The following DDB2 variants were observed in gnomAD, a reference collection of about 807,000 sequenced individuals.
DDB2 encodes the protein damage specific DNA binding protein 2, also known as DNA damage-binding protein 2.
In DDB2, 27 loss-of-function variants were observed where a neutral mutation model predicts 50.5. That is an observed-to-expected ratio of 0.53 (90% confidence interval 0.39 to 0.74). DDB2 has a LOEUF of 0.74. Among genes scored for constraint, DDB2 ranks in the 30% least tolerant of loss-of-function variants. The probability of loss-of-function intolerance (pLI) is 0.00; values close to 1 mark genes in which losing one functional copy is unlikely to be tolerated. For synonymous variants in DDB2, 176 were observed against 205.5 expected (o/e 0.86, Z 1.23); for missense variants, 424 against 545.6 (o/e 0.78, Z 2.22).
intron 2 of DDB2, 123 bp from the exon 3 acceptor site, chr11:47,216,735 G>A (rs946825951): frequency 2.4e-5 from 26 of 1,084,104 alleles, no homozygotes; most frequent in Non-Finnish European, 3.3e-5. Flanking sequence ...CACAGGGCAG[G>A]CAGTTAGCTT....
At chr11:47,219,126 GT>G (rs1953444966) in intron 3 of DDB2, among the ~76,000 whole-genome samples, 2 of 152,134 alleles carry the variant, frequency 1.3e-5, no homozygotes, top group South Asian at 4.1e-4. Context: ...TGTATTTTTA[GT>G]AGAGATGGGG....
chr11:47,226,624 T>A (rs1953560910), intron 3 of DDB2, among the ~76,000 whole-genome samples: 1 of 152,132 alleles, frequency 6.6e-6, no homozygotes, highest in South Asian at 2.1e-4. Flanking sequence ...GTGATAGCAG[T>A]GTAGTTTCAT....
At chr11:47,235,119 G>C in intron 6 of DDB2, 151 bp from the exon 7 acceptor site, 1 of 1,342,234 alleles carries the variant, frequency 7.5e-7, no homozygotes, top group Admixed American at 1.8e-5. Context: ...GAATTTTTTT[G>C]TTGTTGTTCA....
rs1308275397 is a variant in DDB2, at chr11:47,234,877, G to A, written c.823G>A (p.Val275Ile). 1.2e-6 allele frequency: 2 copies of A among 1,614,082 alleles called. No homozygotes were observed. The highest frequency in any genetic ancestry group is 2.7e-5 in the African/African-American group (2 of 74,936). Reference sequence around the variant, plus strand: ...AGTGAAAATTTGGGACCTGCGCCAGGTTAGAGGGAAAGCCAGCTTCCTCTA... The same window carrying A: ...AGTGAAAATTTGGGACCTGCGCCAGATTAGAGGGAAAGCCAGCTTCCTCTA... ...QTVKIWDLRQ[V>I]RGKASFLYSL... is the part of the protein sequence containing the mutation. Residue 275 changes from valine to isoleucine, a missense_variant, in exon 6 of 10, where the codon GTT becomes ATT. Physicochemically the swap from Val to Ile is conservative, Grantham distance 29. Transcript: ENST00000256996.
In DDB2 at chr11:47,216,876, T is replaced by G; in HGVS notation, c.283T>G (p.Leu95Val). ...SVQQGLQQSF[L>V]HTLDSYRILQ... ...GTGGCAGGGGCTCCAGCAGTCCTTT[T>G]TGCACACTCTGGATTCTTACCGGAT... Residue 95 changes from leucine to valine, a missense_variant, in exon 3 of 10, where the codon TTG (leucine) becomes GTG (valine). By Grantham distance (32) the Leu-to-Val change is conservative (BLOSUM62 1). Transcript: ENST00000256996. 1 of 1,614,120 alleles carries G rather than the reference T, an allele frequency of 6.2e-7. No individual in the cohort carries two copies. Among genetic ancestry groups the G allele is most frequent in the African/African-American group, 1.3e-5 (1 of 75,018 alleles).
intron 3 of DDB2, among the ~76,000 whole-genome samples, chr11:47,232,256 A>G (rs951287417): frequency 6.6e-6 from 1 of 152,106 alleles, no homozygotes; most frequent in Non-Finnish European, 1.5e-5. Context: ...AGGCAGGAGA[A>G]TCGCTTGAAC....
At chr11:47,222,527 T>A (rs977147349) in intron 3 of DDB2, among the ~76,000 whole-genome samples, 1 of 152,168 alleles carries the variant, frequency 6.6e-6, no homozygotes, top group Non-Finnish European at 1.5e-5. Flanking sequence ...AATTTTGTTA[T>A]AGAGACAGAG....
intron 3 of DDB2, 66 bp from the exon 4 acceptor site, chr11:47,232,748 G>A: frequency 6.3e-7 from 1 of 1,585,626 alleles, no homozygotes; most frequent in Non-Finnish European, 8.7e-7. Context: ...CAGCATGTGT[G>A]CCCAGGCCTG....
At chr11:47,222,638 A>G (rs979355191) in intron 3 of DDB2, among the ~76,000 whole-genome samples, 4 of 152,204 alleles carry the variant, frequency 2.6e-5, no homozygotes, top group Non-Finnish European at 5.9e-5. Flanking sequence ...GAGCCCCTGC[A>G]CCCAGCCACA....
At position 47,235,384 on chromosome 11, in the gene DDB2, G is replaced by T; in HGVS notation, c.995G>T (p.Arg332Leu). ...CTGGGCCTGATCCCGCACCCTCACC[G>T]TCACTTCCAGCACCTCACACCCATC... ...CPLGLIPHPH[R>L]HFQHLTPIKA... Residue 332 changes from arginine to leucine, a missense_variant, in exon 7 of 10, where the codon CGT becomes CTT. Physicochemically the swap from Arg to Leu is moderately radical, Grantham distance 102. Coordinates refer to ENST00000256996, the MANE Select transcript of DDB2 (RefSeq NM_000107.3). The T allele has an allele frequency of 6.2e-7, 1 of 1,613,356 alleles. No homozygotes were observed. Among genetic ancestry groups the T allele is most frequent in the Non-Finnish European group, 8.5e-7 (1 of 1,180,024 alleles).
rs1953772206 is a variant in DDB2, at chr11:47,238,272, C to T, written c.1234+89C>T. Reference sequence around the variant, plus strand: ...GGCCAGCCTCAGCCCCGCCCTGCCACATTCACCCCAGGGCAGTGGCCCACG... The same window carrying T: ...GGCCAGCCTCAGCCCCGCCCTGCCATATTCACCCCAGGGCAGTGGCCCACG... On this transcript the variant is annotated intron_variant, in intron 9 of 9. Transcript: ENST00000256996. 5.0e-6 allele frequency: 6 copies of T among 1,209,848 alleles called. No individual in the cohort carries two copies. The South Asian group carries it at 6.4e-5, about 13-fold the overall frequency. 74.9% of individuals were successfully genotyped at this position (1,209,848 alleles called of 1,614,324 possible).
Position 47,238,792 on chromosome 11 carries a change from C to T in DDB2, c.1235-8C>T, listed in dbSNP as rs768011030. On this transcript the variant is annotated splice_region_variant and splice_polypyrimidine_tract_variant and intron_variant, in intron 9 of 9. Coordinates refer to ENST00000256996, the MANE Select transcript of DDB2 (RefSeq NM_000107.3). Reference sequence around the variant, plus strand: ...AAGTGTAAGTCAGACTGGTCTCACTCTTCCTAGGTTACCACATTCTCATCT... The same window carrying T: ...AAGTGTAAGTCAGACTGGTCTCACTTTTCCTAGGTTACCACATTCTCATCT... 1 of 1,613,694 alleles carries T rather than the reference C, an allele frequency of 6.2e-7. No individual in the cohort carries two copies. Among genetic ancestry groups the T allele is most frequent in the South Asian group, 1.1e-5 (1 of 91,076 alleles).
chr11:47,217,082 G>T (rs1953410043), intron 3 of DDB2, 33 bp downstream of exon 3: 2 of 1,599,632 alleles, frequency 1.3e-6, no homozygotes, highest in Non-Finnish European at 8.6e-7. Context: ...TCGTGCTAAA[G>T]AAGTGTTTGT....
Position 47,234,677 on chromosome 11 carries a change from G to T in DDB2, c.702+5G>T. 6.2e-7 allele frequency: 1 copy of T among 1,613,966 alleles called. No individual in the cohort carries two copies. ...CTGAACATGGACGGCAAAGAGGTGC[G>T]TTCTCCGAGGTCCTGCCTTTCCCTC... On this transcript the variant is annotated splice_donor_5th_base_variant and intron_variant, in intron 5 of 9. Transcript: ENST00000256996.
chr11:47,225,939 GA>G (rs1953551817), intron 3 of DDB2, among the ~76,000 whole-genome samples: 1 of 152,222 alleles, frequency 6.6e-6, no homozygotes, highest in Non-Finnish European at 1.5e-5. Context: ...GCATGTGGCA[GA>G]ATTTCCTTTT....
chr11:47,222,746 T>C (rs1049963741), intron 3 of DDB2, among the ~76,000 whole-genome samples: 3 of 152,264 alleles, frequency 2.0e-5, no homozygotes, highest in Non-Finnish European at 4.4e-5. Flanking sequence ...CTGTGAACAT[T>C]CACGTACAAG....
At chr11:47,223,657 C>T (rs1953518103) in intron 3 of DDB2, among the ~76,000 whole-genome samples, 1 of 152,006 alleles carries the variant, frequency 6.6e-6, no homozygotes. Flanking sequence ...TGGTGGGCGC[C>T]TGTAGTCCCA....
intron 1 of DDB2, 118 bp downstream of exon 1, chr11:47,215,381 C>T (rs1181590739): frequency 1.3e-6 from 2 of 1,494,658 alleles, no homozygotes; most frequent in East Asian, 2.3e-5. Context: ...CGGGTGCCTC[C>T]GGCTGTGCAT....
intron 8 of DDB2, 66 bp from the exon 9 acceptor site, chr11:47,238,072 C>T: frequency 6.2e-7 from 1 of 1,611,186 alleles, no homozygotes; most frequent in Non-Finnish European, 8.5e-7. Context: ...CCAAAAGTGA[C>T]CAGAAATCAG....
Sources: gnomAD v4.1 joint callset for allele counts (sites outside exome capture counted in the v4.1 genomes callset) on GRCh38, gnomAD v4.1.1 for gene constraint, MANE v1.5 for transcripts, NCBI Gene and HGNC (gene_info 2026-07-23, HGNC 2026-07-21) for gene names.